Variants in SGCD observed in about 807,000 individuals in gnomAD.
The protein encoded by SGCD is delta-sarcoglycan.
In SGCD, 18 loss-of-function variants were observed where a neutral mutation model predicts 36.6. The observed-to-expected ratio is 0.49, with a 90% CI of 0.34 to 0.73. The LOEUF (loss-of-function observed/expected upper bound fraction) is 0.73. SGCD is among the 30% of genes least tolerant of loss of function. The pLI is 0.01. For synonymous variants in SGCD, 133 were observed against 130.6 expected (o/e 1.02, Z -0.12); for missense variants, 387 against 346.7 (o/e 1.12, Z -0.92).
At chr5:155,998,434 G>A (rs1758599075) in intron 1 of SGCD, among the ~76,000 whole-genome samples, 1 of 152,062 alleles carries the variant, frequency 6.6e-6, no homozygotes, top group East Asian at 1.9e-4. Context: ...ATTATGTGTG[G>A]GTGTTTCCTG....
chr5:156,423,142 A>C (rs1773400552), intron 3 of SGCD, among the ~76,000 whole-genome samples: 1 of 58,864 alleles, frequency 1.7e-5, no homozygotes, highest in Non-Finnish European at 3.5e-5. Flanking sequence ...AATAATTAAT[A>C]TTTAATTAAT....
At chr5:156,522,585 G>A (rs891647747) in intron 4 of SGCD, among the ~76,000 whole-genome samples, 1 of 152,062 alleles carries the variant, frequency 6.6e-6, no homozygotes, top group Non-Finnish European at 1.5e-5. Context: ...CCTATTGATG[G>A]GGAGTCAGAG....
At chr5:156,296,897 C>T (rs1369186137) in intron 3 of SGCD, among the ~76,000 whole-genome samples, 1 of 151,990 alleles carries the variant, frequency 6.6e-6, no homozygotes, top group African/African-American at 2.4e-5. Context: ...CATATGTACA[C>T]ATGCACACTA....
At chr5:156,509,744 C>A (rs1237475074) in intron 4 of SGCD, among the ~76,000 whole-genome samples, 3 of 152,164 alleles carry the variant, frequency 2.0e-5, no homozygotes. Context: ...GCAGTGATTC[C>A]TACATACATA....
intron 5 of SGCD, among the ~76,000 whole-genome samples, chr5:156,590,342 T>C (rs1304548605): frequency 6.6e-6 from 1 of 152,146 alleles, no homozygotes; most frequent in African/African-American, 2.4e-5. Flanking sequence ...TAGAGATTCA[T>C]AGCCAGTGGG....
intron 3 of SGCD, among the ~76,000 whole-genome samples, chr5:156,268,009 C>A (rs1387067988): frequency 6.6e-6 from 1 of 152,096 alleles, no homozygotes; most frequent in Non-Finnish European, 1.5e-5. Flanking sequence ...TCACGTAGAC[C>A]CCAGTGTCTG....
At chr5:156,540,605 A>C (rs1490866388) in intron 4 of SGCD, among the ~76,000 whole-genome samples, 1 of 152,148 alleles carries the variant, frequency 6.6e-6, no homozygotes, top group Non-Finnish European at 1.5e-5. Context: ...GCCTTGATAG[A>C]CCTTAAACTT....
intron 7 of SGCD, among the ~76,000 whole-genome samples, chr5:156,743,575 A>G (rs1381710361): frequency 1.3e-5 from 2 of 152,202 alleles, no homozygotes; most frequent in African/African-American, 4.8e-5. Flanking sequence ...AACTAGCTCT[A>G]CACTGGGAAA....
chr5:156,590,747 T>TC (rs140727145), intron 5 of SGCD, among the ~76,000 whole-genome samples: 7,168 of 151,276 alleles, frequency 0.047, 237 homozygotes, highest in South Asian at 0.095. Context: ...TCTCTTTTTT[T>TC]CCCCCCACTC....
chr5:156,289,481 C>T (rs918757077), intron 3 of SGCD, among the ~76,000 whole-genome samples: 1 of 151,884 alleles, frequency 6.6e-6, no homozygotes, highest in African/African-American at 2.4e-5. Context: ...CCACAGGCCC[C>T]GTTGTGTGTT....
At chr5:156,517,726 A>G (rs74603109) in intron 4 of SGCD, among the ~76,000 whole-genome samples, 33,637 of 152,096 alleles carry the variant, frequency 0.22, 4,591 homozygotes, top group Non-Finnish European at 0.31. Context: ...CCTGAATTTT[A>G]TATCTAGCCA....
chr5:156,502,849 A>G (rs899963613), intron 3 of SGCD, among the ~76,000 whole-genome samples: 1 of 152,246 alleles, frequency 6.6e-6, no homozygotes, highest in Non-Finnish European at 1.5e-5. Context: ...AAATGTGGGA[A>G]CATATTATTT....
chr5:156,445,833 C>T (rs912343788), intron 3 of SGCD, among the ~76,000 whole-genome samples: 1 of 152,144 alleles, frequency 6.6e-6, no homozygotes, highest in Non-Finnish European at 1.5e-5. Flanking sequence ...CACACATACG[C>T]ACCCATGCAC....
chr5:156,179,625 T>A (rs1280582619), intron 3 of SGCD, among the ~76,000 whole-genome samples: 1 of 150,680 alleles, frequency 6.6e-6, no homozygotes, highest in African/African-American at 2.4e-5. Context: ...TCCAACTTTT[T>A]TTTTTTTTTT....
chr5:156,333,370 G>A (rs1474850667), intron 2 of SGCD, among the ~76,000 whole-genome samples: 1 of 152,126 alleles, frequency 6.6e-6, no homozygotes, highest in South Asian at 2.1e-4. Flanking sequence ...ACTCTGGCTG[G>A]AATACAGTAG....
At chr5:155,975,673 A>G (rs1325752033) in intron 1 of SGCD, among the ~76,000 whole-genome samples, 1 of 106,338 alleles carries the variant, frequency 9.4e-6, no homozygotes, top group African/African-American at 3.7e-5. Flanking sequence ...CTTGTTGCCC[A>G]GGCTGGAGTG....
At chr5:156,347,902 A>C (rs1335670137) in intron 3 of SGCD, among the ~76,000 whole-genome samples, 2 of 152,164 alleles carry the variant, frequency 1.3e-5, no homozygotes, top group Admixed American at 1.3e-4. Context: ...GATTGCCAAA[A>C]TTGAGAGTCC....
chr5:156,548,751 A>G (rs910050412), intron 4 of SGCD, among the ~76,000 whole-genome samples: 4 of 152,178 alleles, frequency 2.6e-5, no homozygotes, highest in African/African-American at 7.2e-5. Flanking sequence ...ATGCACAGTC[A>G]CTGGTGATGG....
At chr5:156,731,261 G>A (rs1371275848) in intron 7 of SGCD, among the ~76,000 whole-genome samples, 1 of 152,044 alleles carries the variant, frequency 6.6e-6, no homozygotes, top group African/African-American at 2.4e-5. Flanking sequence ...TCTTTAATTA[G>A]ATCTCATTTG....
Sources: allele counts gnomAD v4.1 joint callset (sites outside exome capture counted in the v4.1 genomes callset), GRCh38; gene constraint gnomAD v4.1.1; transcripts MANE v1.5; gene names NCBI Gene and HGNC (gene_info 2026-07-23, HGNC 2026-07-21).